Variants in SCN9A observed in about 807,000 individuals in gnomAD.
SCN9A encodes the protein sodium voltage-gated channel alpha subunit 9.
Under a neutral mutation model 187.0 loss-of-function variants are expected in SCN9A, and 131 were observed. The ratio of observed to expected loss-of-function variants is 0.70; its 90% CI spans 0.61 to 0.81. The LOEUF is 0.81. Among genes scored for constraint, SCN9A ranks in the 30% least tolerant of loss-of-function variants. The pLI, the probability that SCN9A is intolerant of heterozygous loss-of-function variation, is 0.00. For missense variants in SCN9A, 2,252 were observed against 2,396.6 expected (o/e 0.94, Z 1.26); for synonymous variants, 809 against 808.6 (o/e 1.00, Z -0.01).
At chr2:166,370,517 T>C (rs1047296989) in intron 1 of SCN9A, among the ~76,000 whole-genome samples, 13 of 149,490 alleles carry the variant, frequency 8.7e-5, no homozygotes, top group Non-Finnish European at 1.8e-4. Flanking sequence ...CACTCCAGCC[T>C]GGGCGACAGA....
At chr2:166,263,920 T>C (rs964859746) in intron 17 of SCN9A, among the ~76,000 whole-genome samples, 3 of 151,970 alleles carry the variant, frequency 2.0e-5, no homozygotes, top group African/African-American at 7.2e-5. Flanking sequence ...TTTAGAGAAA[T>C]CATGGCCTTG....
chr2:166,288,777 A>G, intron 9 of SCN9A, 134 bp from the exon 10 acceptor site: 1 of 602,282 alleles, frequency 1.7e-6, no homozygotes, highest in Non-Finnish European at 2.7e-6. Context: ...GAAAAGTTAT[A>G]TCTTCATGGA....
chr2:166,233,294 A>T, intron 21 of SCN9A, 46 bp downstream of exon 21: 1 of 1,339,482 alleles, frequency 7.5e-7, no homozygotes, highest in Non-Finnish European at 1.0e-6. Context: ...TATATTTTAA[A>T]CCCCATTAAA....
intron 18 of SCN9A, among the ~76,000 whole-genome samples, chr2:166,246,191 G>T (rs1372712460): frequency 6.6e-6 from 1 of 151,698 alleles, no homozygotes. Context: ...GGCTTAATAG[G>T]TCATTTATAG....
chr2:166,324,170 G>A (rs751128080), intron 1 of SCN9A, among the ~76,000 whole-genome samples: 3 of 151,818 alleles, frequency 2.0e-5, no homozygotes, highest in Non-Finnish European at 2.9e-5. Context: ...GTGGGCGCCT[G>A]CAATCTCAGC....
chr2:166,333,240 A>G (rs1408180302), intron 1 of SCN9A, among the ~76,000 whole-genome samples: 2 of 152,128 alleles, frequency 1.3e-5, no homozygotes, highest in Admixed American at 1.3e-4. Context: ...ATGTTTTTAC[A>G]GAACAGTCTT....
intron 1 of SCN9A, among the ~76,000 whole-genome samples, chr2:166,321,281 A>G (rs1215310870): frequency 2.6e-5 from 4 of 152,174 alleles, no homozygotes; most frequent in African/African-American, 7.2e-5. Flanking sequence ...ACATTTTCGG[A>G]GGCCAAGGCG....
At chr2:166,218,322 A>T (rs928578768) in intron 24 of SCN9A, among the ~76,000 whole-genome samples, 7 of 151,542 alleles carry the variant, frequency 4.6e-5, no homozygotes, top group Non-Finnish European at 1.0e-4. Flanking sequence ...TGACGAGTTA[A>T]TGGGTGCCGC....
intron 24 of SCN9A, among the ~76,000 whole-genome samples, chr2:166,216,012 C>T (rs1402886018): frequency 6.6e-6 from 1 of 151,870 alleles, no homozygotes; most frequent in Non-Finnish European, 1.5e-5. Flanking sequence ...AACTGAATTC[C>T]CTAGCACATT....
At chr2:166,207,449 G>GTTGTT (rs1553474920) in intron 24 of SCN9A, among the ~76,000 whole-genome samples, 1 of 149,530 alleles carries the variant, frequency 6.7e-6, no homozygotes, top group African/African-American at 2.4e-5. Flanking sequence ...TGTTGTTGTT[G>GTTGTT]TTGTTGTTTT....
intron 1 of SCN9A, among the ~76,000 whole-genome samples, chr2:166,358,203 C>T (rs887459294): frequency 4.6e-5 from 7 of 151,580 alleles, no homozygotes; most frequent in South Asian, 2.1e-4. Context: ...CTGAGTAGCT[C>T]GGATTAGAGG....
intron 1 of SCN9A, among the ~76,000 whole-genome samples, chr2:166,360,726 T>C (rs946797126): frequency 1.3e-5 from 2 of 152,196 alleles, no homozygotes; most frequent in African/African-American, 4.8e-5. Flanking sequence ...TCATGTAGAA[T>C]AGAAATGGTT....
chr2:166,234,109 C>T (rs1432536653), intron 20 of SCN9A, among the ~76,000 whole-genome samples: 2 of 152,080 alleles, frequency 1.3e-5, no homozygotes, highest in South Asian at 2.1e-4. Flanking sequence ...AGAGCTTCAT[C>T]ATGTTAGATA....
At chr2:166,269,503 CT>C (rs1159042582) in intron 17 of SCN9A, among the ~76,000 whole-genome samples, 1 of 151,994 alleles carries the variant, frequency 6.6e-6, no homozygotes, top group African/African-American at 2.4e-5. Context: ...AGTCACAAGC[CT>C]AGGACTCTTG....
intron 5 of SCN9A, 138 bp from the exon 6 acceptor site, chr2:166,304,467 C>G: frequency 1.5e-6 from 1 of 673,180 alleles, no homozygotes; most frequent in Non-Finnish European, 2.5e-6. Flanking sequence ...GCTATCATAA[C>G]TAACTTAATT....
At chr2:166,227,584 T>C (rs576254695) in intron 23 of SCN9A, 86 bp downstream of exon 23, 43 of 805,548 alleles carry the variant, frequency 5.3e-5, no homozygotes, top group African/African-American at 5.1e-4. Flanking sequence ...TCCCAAGGGC[T>C]TCATGAAGTT....
intron 16 of SCN9A, among the ~76,000 whole-genome samples, chr2:166,275,729 TACA>T (rs1697207410): frequency 6.6e-6 from 1 of 152,192 alleles, no homozygotes; most frequent in South Asian, 2.1e-4. Flanking sequence ...TATTTATTAC[TACA>T]ACTTGAGGGT....
intron 10 of SCN9A, among the ~76,000 whole-genome samples, chr2:166,287,062 A>T (rs111320755): frequency 6.6e-5 from 10 of 152,294 alleles, no homozygotes; most frequent in Non-Finnish European, 1.3e-4. Context: ...GAATTATTAA[A>T]GCATAATATT....
intron 24 of SCN9A, among the ~76,000 whole-genome samples, chr2:166,221,903 T>G (rs1390088651): frequency 6.6e-6 from 1 of 152,146 alleles, no homozygotes; most frequent in African/African-American, 2.4e-5. Flanking sequence ...TTGGGAAAAC[T>G]GGATATTCAC....
Sources: gnomAD v4.1 joint callset for allele counts (sites outside exome capture counted in the v4.1 genomes callset) on GRCh38, gnomAD v4.1.1 for gene constraint, MANE v1.5 for transcripts, NCBI Gene and HGNC (gene_info 2026-07-23, HGNC 2026-07-21) for gene names.